The following ASPRV1 variants were observed in gnomAD, a reference collection of about 807,000 sequenced individuals.
ASPRV1 encodes the protein retroviral-like aspartic protease 1.
In ASPRV1, 7 loss-of-function variants were observed where a neutral mutation model predicts 11.0. The observed-to-expected ratio is 0.64, with a 90% CI of 0.36 to 1.20. The LOEUF is 1.20. Among genes scored for constraint, ASPRV1 ranks in the 50% most tolerant of loss-of-function variants. ASPRV1 has a pLI of 0.02. For synonymous variants in ASPRV1, 136 were observed against 138.4 expected (o/e 0.98, Z 0.12); for missense variants, 299 against 320.0 (o/e 0.93, Z 0.50).
chr2:69,982,657 G>A, the ASPRV1 span, among the ~76,000 whole-genome samples: 1 of 152,132 alleles, frequency 6.6e-6, no homozygotes, highest in Non-Finnish European at 1.5e-5. Context: ...GAGGACACTG[G>A]GCACTAGGAG....
chr2:69,964,402 G>T (rs1678265155), upstream of ASPRV1: 1 of 444,044 alleles, frequency 2.3e-6, no homozygotes, highest in South Asian at 1.6e-5. Context: ...ATCAGCCTCT[G>T]GCCGAGTCTG....
chr2:70,034,502 T>G, the ASPRV1 span, among the ~76,000 whole-genome samples: 1 of 146,230 alleles, frequency 6.8e-6, no homozygotes, highest in East Asian at 2.0e-4. Flanking sequence ...ACCCGGGAGG[T>G]GGACGTTGCA....
the ASPRV1 span, among the ~76,000 whole-genome samples, chr2:69,948,363 T>C: frequency 2.6e-5 from 4 of 152,218 alleles, no homozygotes; most frequent in African/African-American, 7.2e-5. Context: ...TCCAGCGGCA[T>C]GAAGGGGACA....
At chr2:69,974,860 G>C in the ASPRV1 span, among the ~76,000 whole-genome samples, 1 of 152,234 alleles carries the variant, frequency 6.6e-6, no homozygotes, top group Admixed American at 6.5e-5. Flanking sequence ...CCTGGGCTGA[G>C]GAGGGCACAG....
chr2:70,027,059 G>A, the ASPRV1 span, among the ~76,000 whole-genome samples: 1 of 151,964 alleles, frequency 6.6e-6, no homozygotes, highest in African/African-American at 2.4e-5. Context: ...CACAACAGCT[G>A]GGCAACATAG....
the ASPRV1 span, chr2:70,051,166 A>C: frequency 6.6e-6 from 1 of 152,172 alleles, no homozygotes. Context: ...TACTTAACCG[A>C]GATGAAACTG....
At chr2:69,943,450 A>C in the ASPRV1 span, among the ~76,000 whole-genome samples, 1 of 152,070 alleles carries the variant, frequency 6.6e-6, no homozygotes, top group Non-Finnish European at 1.5e-5. Flanking sequence ...CATTGCTGGG[A>C]AGGAGAACAT....
At chr2:69,996,981 G>A in the ASPRV1 span, 1 of 253,940 alleles carries the variant, frequency 3.9e-6, no homozygotes, top group African/African-American at 2.2e-5. Context: ...GTTATTGCAT[G>A]AGAAACAAGC....
In ASPRV1 at chr2:69,960,972, A is replaced by G. The variant is rs773684455; in HGVS notation, c.465T>C (p.Phe155=). Residue 155 remains phenylalanine, a synonymous_variant, in exon 1 of 1, where the codon TTT becomes TTC. Coordinates refer to ENST00000320256, the MANE Select transcript of ASPRV1 (RefSeq NM_152792.4). ...CATTGGCCACCTTTACCACATTCTCAAAGGGCTGCAGGGTGTCCAGATCGC... is the reference window on the plus strand; with the variant it reads ...CATTGGCCACCTTTACCACATTCTCGAAGGGCTGCAGGGTGTCCAGATCGC... ...TDGDLDTLQP[F]ENVVKVANGA... The G allele has an allele frequency of 1.2e-6, 2 of 1,613,916 alleles. No homozygotes were observed. The highest frequency in any genetic ancestry group is 2.2e-5 in the South Asian group (2 of 91,052).
the ASPRV1 span, among the ~76,000 whole-genome samples, chr2:70,043,290 C>T: frequency 2.0e-5 from 3 of 152,140 alleles, no homozygotes; most frequent in East Asian, 1.9e-4. Flanking sequence ...TGGTGGTGCG[C>T]GCCTGTAATC....
At chr2:70,010,742 TG>T in the ASPRV1 span, among the ~76,000 whole-genome samples, 9 of 152,184 alleles carry the variant, frequency 5.9e-5, no homozygotes, top group African/African-American at 9.7e-5. Context: ...AAGTGCTCCC[TG>T]AACACCCTCA....
chr2:70,001,786 T>A, the ASPRV1 span, among the ~76,000 whole-genome samples: 1 of 152,042 alleles, frequency 6.6e-6, no homozygotes, highest in Middle Eastern at 3.4e-3. Context: ...ATAATAATAA[T>A]AAGGATGTGC....
chr2:69,978,884 C>T, the ASPRV1 span, among the ~76,000 whole-genome samples: 1 of 152,084 alleles, frequency 6.6e-6, no homozygotes, highest in Non-Finnish European at 1.5e-5. Context: ...GACAAGAGGC[C>T]ATATCTTCAT....
At position 69,961,497 on chromosome 2, in the gene ASPRV1, C is replaced by G; in HGVS notation, c.-61G>C. The G allele has an allele frequency of 1.2e-6, 2 of 1,614,132 alleles. No homozygotes were observed. The highest frequency in any genetic ancestry group is 1.7e-6 in the Non-Finnish European group (2 of 1,180,036). ...ACGCCAAGAAGAGAAACCCACAGAG[C>G]AGTGTCGGCGCAATCACGCTGGAAA... On this transcript the variant is annotated 5_prime_UTR_variant, in exon 1 of 1. Coordinates refer to ENST00000320256, the MANE Select transcript of ASPRV1 (RefSeq NM_152792.4).
the ASPRV1 span, among the ~76,000 whole-genome samples, chr2:69,950,230 G>C: frequency 6.6e-6 from 1 of 152,192 alleles, no homozygotes. Flanking sequence ...CTGGCCCCCA[G>C]GTACACCTGA....
chr2:70,039,512 C>T, the ASPRV1 span, among the ~76,000 whole-genome samples: 3 of 152,196 alleles, frequency 2.0e-5, no homozygotes, highest in Admixed American at 2.0e-4. Context: ...ATGGGTTATA[C>T]TAGGATGCTC....
chr2:70,024,331 G>A, the ASPRV1 span, among the ~76,000 whole-genome samples: 3 of 152,200 alleles, frequency 2.0e-5, no homozygotes, highest in Admixed American at 6.5e-5. Context: ...AACCCGTCAA[G>A]GCAGTCAGAA....
the ASPRV1 span, chr2:70,055,694 C>G: frequency 6.6e-6 from 1 of 152,048 alleles, no homozygotes; most frequent in Non-Finnish European, 1.5e-5. Context: ...CCATGGCACA[C>G]GTACAGCTAT....
the ASPRV1 span, among the ~76,000 whole-genome samples, chr2:70,040,956 C>T: frequency 0.018 from 2,684 of 152,282 alleles, 95 homozygotes; most frequent in African/African-American, 0.061. Context: ...TTCCTATAAG[C>T]GAGCTGACTC....
Sources: gnomAD v4.1 joint callset for allele counts (sites outside exome capture counted in the v4.1 genomes callset) on GRCh38, gnomAD v4.1.1 for gene constraint, MANE v1.5 for transcripts, NCBI Gene and HGNC (gene_info 2026-07-23, HGNC 2026-07-21) for gene names.